ABCG8: variants seen among roughly 807,000 people sequenced by gnomAD.
ABCG8 encodes the protein ATP-binding cassette sub-family G member 8.
In ABCG8, 81 loss-of-function variants were observed where a neutral mutation model predicts 71.3. The observed-to-expected ratio is 1.14, with a 90% CI of 0.95 to 1.37. The LOEUF is 1.37. ABCG8 is among the 40% of genes most tolerant of loss of function. The pLI is 0.00. For synonymous variants in ABCG8, 451 were observed against 354.7 expected (o/e 1.27, Z -3.05); for missense variants, 1,119 against 866.2 (o/e 1.29, Z -3.66).
At chr2:43,845,863 C>T (rs1268604937) in intron 2 of ABCG8, among the ~76,000 whole-genome samples, 1 of 151,998 alleles carries the variant, frequency 6.6e-6, no homozygotes, top group Non-Finnish European at 1.5e-5. Context: ...CTCAGGTGAT[C>T]CACCTGCCTC....
rs112681731 is a variant in ABCG8, at chr2:43,851,467, G to A, written c.323-117G>A. 23 of 1,178,336 alleles carry A rather than the reference G, an allele frequency of 2.0e-5. No homozygotes were observed. In the African/African-American group the frequency reaches 2.9e-4, roughly 15 times the overall value. The allele number at this position is 1,178,336 out of a possible 1,614,324, so 73.0% of individuals were successfully genotyped here. A position where few individuals can be genotyped will look rare whatever the true frequency, so the allele number is the denominator to read the frequency against. On this transcript the variant is annotated intron_variant, in intron 3 of 12. Transcript: ENST00000272286. ...GACTATGCCACCTCTCTAGGGGCTG[G>A]TCACATCTGCACGGACAGAGTAGTC...
intron 4 of ABCG8, 29 bp from the exon 5 acceptor site, chr2:43,852,325 G>A (rs776688135): frequency 1.9e-6 from 3 of 1,611,944 alleles, no homozygotes; most frequent in Admixed American, 3.3e-5. Context: ...GGCCCCTGAG[G>A]TGGCCTCAAA....
chr2:43,848,825 G>C (rs1426062507), intron 3 of ABCG8, among the ~76,000 whole-genome samples: 1 of 151,916 alleles, frequency 6.6e-6, no homozygotes, highest in African/African-American at 2.4e-5. Context: ...AGACCAGCCT[G>C]GCCAACATGG....
At chr2:43,859,847 G>A (rs1316238173) in intron 6 of ABCG8, among the ~76,000 whole-genome samples, 1 of 150,148 alleles carries the variant, frequency 6.7e-6, no homozygotes, top group Non-Finnish European at 1.5e-5. Flanking sequence ...TTCACTATCT[G>A]GATAGAATTC....
rs756189400 is a variant in ABCG8 at position 43,851,690 on chromosome 2, G to A, written c.429G>A (p.Leu143=). 3 of 1,614,238 alleles carry A rather than the reference G, an allele frequency of 1.9e-6. No individual in the cohort carries two copies. In the East Asian group the frequency reaches 6.7e-5, roughly 36 times the overall value. ...WINGQPSSPQ[L]VRKCVAHVRQ... ...ATGGGCAGCCCAGCTCGCCTCAGCT[G>A]GTGAGGAAGTGTGTGGCCCACGTGC... is the stretch of plus-strand genomic sequence containing the variant. The change falls in exon 4 of 13, where the codon CTG becomes CTA. Residue 143 remains leucine (L), a synonymous_variant. Transcript: ENST00000272286.
intron 2 of ABCG8, 46 bp downstream of exon 2, chr2:43,844,654 G>A (rs762874976): frequency 1.3e-6 from 2 of 1,484,126 alleles, no homozygotes; most frequent in Admixed American, 3.4e-5. Context: ...GGCAGGGACA[G>A]CCAGGAAATT....
intron 6 of ABCG8, among the ~76,000 whole-genome samples, chr2:43,861,034 C>T (rs1293091176): frequency 4.0e-5 from 6 of 151,234 alleles, no homozygotes; most frequent in Admixed American, 1.3e-4. Flanking sequence ...CACTATCTAT[C>T]GGGATAGAAT....
intron 6 of ABCG8, among the ~76,000 whole-genome samples, chr2:43,871,260 C>A (rs1669758935): frequency 6.6e-6 from 1 of 150,700 alleles, no homozygotes. Flanking sequence ...GGATAGAATT[C>A]TCACCCTCTG....
At chr2:43,873,362 G>T (rs1462642527) in intron 8 of ABCG8, among the ~76,000 whole-genome samples, 1 of 151,764 alleles carries the variant, frequency 6.6e-6, no homozygotes, top group African/African-American at 2.4e-5. Context: ...CTAATTTTTT[G>T]TGTGTTTTTA....
chr2:43,873,984 A>G lies in ABCG8; in HGVS notation c.1409A>G (p.Lys470Arg). ...AACGTCATTCTGGATGTCATCTCCA[A>G]ATGTGAGTGTGGCCCACTGGCATGG... ...PFNVILDVIS[K>R]CYSERAMLYY... is the part of the protein sequence containing the mutation. The change falls in exon 9 of 13, where the codon AAA becomes AGA. Residue 470 changes from lysine (K) to arginine (R), a missense_variant and splice_region_variant. Coordinates refer to ENST00000272286, the MANE Select transcript of ABCG8 (RefSeq NM_022437.3). 1 of 1,613,860 alleles carries G rather than the reference A, an allele frequency of 6.2e-7. No homozygotes were observed. Among genetic ancestry groups the G allele is most frequent in the Non-Finnish European group, 8.5e-7 (1 of 1,180,002 alleles).
chr2:43,853,605 C>T (rs1265243552), intron 6 of ABCG8, among the ~76,000 whole-genome samples: 3 of 152,170 alleles, frequency 2.0e-5, no homozygotes, highest in Non-Finnish European at 2.9e-5. Context: ...AAGGACCCCA[C>T]CAGTAAACAG....
intron 11 of ABCG8, among the ~76,000 whole-genome samples, chr2:43,876,804 G>C (rs1022742670): frequency 1.3e-4 from 20 of 150,858 alleles, no homozygotes; most frequent in African/African-American, 4.4e-4. Context: ...GGAATATGAA[G>C]AGACTGTGTG....
rs58485764 is a variant in ABCG8 at position 43,856,959 on chromosome 2, G to A, written c.964+4091G>A. 3.4e-5 allele frequency among the ~76,000 whole-genome samples: 5 copies of A among 145,372 alleles called. No homozygotes were observed. The East Asian group carries it at 1.1e-3, about 31-fold the overall frequency. On this transcript the variant is annotated intron_variant, in intron 6 of 12. Coordinates refer to ENST00000272286, the MANE Select transcript of ABCG8 (RefSeq NM_022437.3). The stretch of plus-strand genomic sequence containing the variant: ...TCTTACTTTCTGGATAGAACTCTCA[G>A]TGTCTTTCTGGATAGAATTCTCACC...
chr2:43,839,235 G>C, intron 1 of ABCG8, 119 bp downstream of exon 1: 1 of 1,132,772 alleles, frequency 8.8e-7, no homozygotes, highest in Non-Finnish European at 1.3e-6. Context: ...GCAGTGTGAG[G>C]ACATGGCCGC....
intron 6 of ABCG8, among the ~76,000 whole-genome samples, chr2:43,856,182 C>A (rs1238549868): frequency 2.0e-5 from 3 of 152,032 alleles, no homozygotes; most frequent in Non-Finnish European, 4.4e-5. Context: ...CTCTCACTAT[C>A]TATCTGAATA....
chr2:43,882,936 C>G lies in ABCG8; in HGVS notation c.*5023C>G, dbSNP rs2104958264. 6.6e-6 allele frequency: 1 copy of G among 152,340 alleles called. No homozygotes were observed. Among genetic ancestry groups the G allele is most frequent in the East Asian group, 1.9e-4 (1 of 5,186 alleles). 9.4% of individuals were successfully genotyped at this position (152,340 alleles called of 1,614,324 possible). ...TTGGAAATATTCTTGTTTCCCCAAA[C>G]TGCTAATAAGCTCTACTGACCCATG... On this transcript the variant is annotated 3_prime_UTR_variant, in exon 13 of 13. Coordinates refer to ENST00000272286, the MANE Select transcript of ABCG8 (RefSeq NM_022437.3).
At chr2:43,876,431 A>C (rs1669960452) in intron 11 of ABCG8, among the ~76,000 whole-genome samples, 1 of 150,312 alleles carries the variant, frequency 6.7e-6, no homozygotes, top group Admixed American at 6.6e-5. Flanking sequence ...GGGGAGACTG[A>C]ATACGGGGGA....
In ABCG8 at chr2:43,843,757, G is replaced by A. The variant is rs530762238; in HGVS notation, c.64-750G>A. ...TAGGAGGAATTGAGATCTGCAGATG[G>A]TTAATACCATTCAAAGGTATCAGCC... On this transcript the variant is annotated intron_variant, in intron 1 of 12. Coordinates refer to ENST00000272286, the MANE Select transcript of ABCG8 (RefSeq NM_022437.3). Among the ~76,000 whole-genome samples the A allele has an allele frequency of 5.3e-5, 8 of 152,280 alleles. No homozygotes were observed. In the South Asian group the frequency reaches 1.7e-3, roughly 32 times the overall value.
chr2:43,840,977 G>A (rs1160716672), intron 1 of ABCG8, among the ~76,000 whole-genome samples: 1 of 152,222 alleles, frequency 6.6e-6, no homozygotes, highest in Non-Finnish European at 1.5e-5. Context: ...GGCATCTTGG[G>A]CACCTGGAGT....
Sources: gnomAD v4.1 joint callset for allele counts (sites outside exome capture counted in the v4.1 genomes callset) on GRCh38, gnomAD v4.1.1 for gene constraint, MANE v1.5 for transcripts, NCBI Gene and HGNC (gene_info 2026-07-23, HGNC 2026-07-21) for gene names.